Variants in UVRAG observed in about 807,000 individuals in gnomAD.
The protein encoded by UVRAG is UV radiation resistance-associated gene protein.
UVRAG carries 19 observed loss-of-function variants against 78.0 expected under a neutral mutation model. The observed-to-expected ratio is 0.24, with a 90% CI of 0.17 to 0.36. The LOEUF (loss-of-function observed/expected upper bound fraction) is 0.36. Among genes scored for constraint, UVRAG ranks in the 10% least tolerant of loss-of-function variants. UVRAG has a pLI of 1.00. For missense variants in UVRAG, 740 were observed against 853.8 expected, an observed-to-expected ratio of 0.87 and a Z score of 1.66; for synonymous variants, 323 against 324.6, an observed-to-expected ratio of 1.00 and a Z score of 0.05.
chr11:75,906,049 T>C (rs1947607802), intron 5 of UVRAG, among the ~76,000 whole-genome samples: 1 of 152,186 alleles, frequency 6.6e-6, no homozygotes, highest in South Asian at 2.1e-4. Flanking sequence ...AAAATTGAGT[T>C]GTCTTTTTGC....
At chr11:76,020,664 T>G (rs1950229685) in intron 12 of UVRAG, among the ~76,000 whole-genome samples, 1 of 144,512 alleles carries the variant, frequency 6.9e-6, no homozygotes, top group Non-Finnish European at 1.5e-5. Context: ...TTTTTTTTTT[T>G]TTTTTTTTTG....
chr11:76,018,445 C>G (rs1224287632), intron 12 of UVRAG, among the ~76,000 whole-genome samples: 2 of 152,024 alleles, frequency 1.3e-5, no homozygotes, highest in Non-Finnish European at 2.9e-5. Context: ...GAGTCTTGCT[C>G]TGTTGCCAGG....
At chr11:75,835,973 C>T (rs10899144) in intron 1 of UVRAG, among the ~76,000 whole-genome samples, 27,194 of 151,640 alleles carry the variant, frequency 0.18, 3,521 homozygotes, top group African/African-American at 0.37. Context: ...TGGTGGTGTG[C>T]GCCTGTAGTC....
chr11:75,910,966 A>G (rs1436977181), intron 5 of UVRAG, among the ~76,000 whole-genome samples: 1 of 152,220 alleles, frequency 6.6e-6, no homozygotes, highest in Non-Finnish European at 1.5e-5. Context: ...GTCACATAAT[A>G]TGTTAAAATG....
chr11:75,951,416 CTT>C (rs1055787551), intron 6 of UVRAG, among the ~76,000 whole-genome samples: 2 of 151,396 alleles, frequency 1.3e-5, no homozygotes, highest in Non-Finnish European at 2.9e-5. Context: ...GAGTTTCGCT[CTT>C]GTTGCCTAGG....
intron 14 of UVRAG, among the ~76,000 whole-genome samples, chr11:76,122,695 C>G (rs1241776663): frequency 6.6e-6 from 1 of 152,136 alleles, no homozygotes; most frequent in South Asian, 2.1e-4. Flanking sequence ...GGCTCATGCT[C>G]TCTTGTACAT....
rs1023919166 is a variant in UVRAG at position 75,869,165 on chromosome 11, C to T, written c.270+7385C>T. Among the ~76,000 whole-genome samples, 4 of 152,318 alleles carry T rather than the reference C, an allele frequency of 2.6e-5. No homozygotes were observed. The South Asian group carries it at 6.2e-4, about 24-fold the overall frequency. Reference sequence around the variant, plus strand: ...GTTCCAGAGCCCTGCTGTTTTGCAGCCTCCCTTATATCCCACTTCCTTCCA... The same window carrying T: ...GTTCCAGAGCCCTGCTGTTTTGCAGTCTCCCTTATATCCCACTTCCTTCCA... On this transcript the variant is annotated intron_variant, in intron 3 of 14. Coordinates refer to ENST00000356136, the MANE Select transcript of UVRAG (RefSeq NM_003369.4).
chr11:75,963,097 T>C (rs187540251), intron 7 of UVRAG, among the ~76,000 whole-genome samples: 16 of 152,292 alleles, frequency 1.1e-4, no homozygotes, highest in Admixed American at 2.6e-4. Context: ...CCTCAGTACA[T>C]TCTATCCCTT....
rs573012482 is a variant in UVRAG at position 76,070,503 on chromosome 11, T to C, written c.1305+4715T>C. On this transcript the variant is annotated intron_variant, in intron 13 of 14. Transcript: ENST00000356136. Reference sequence around the variant, plus strand: ...ATGTTAATTTGTTTGACTGCTATAATCATTTCACTATGTATATGTATATCA... The same window carrying C: ...ATGTTAATTTGTTTGACTGCTATAACCATTTCACTATGTATATGTATATCA... 1.3e-3 allele frequency among the ~76,000 whole-genome samples: 191 copies of C among 152,352 alleles called. 1 individual carries two copies. Among genetic ancestry groups the C allele is most frequent in the Non-Finnish European group, 2.1e-3 (144 of 68,034 alleles).
chr11:75,908,036 A>G (rs1320843610), intron 5 of UVRAG, among the ~76,000 whole-genome samples: 2 of 152,032 alleles, frequency 1.3e-5, no homozygotes, highest in African/African-American at 2.4e-5. Flanking sequence ...AAAACTTTTC[A>G]CCTTACAAAA....
intron 3 of UVRAG, among the ~76,000 whole-genome samples, chr11:75,870,529 G>A (rs1440201606): frequency 6.6e-6 from 1 of 152,064 alleles, no homozygotes; most frequent in Non-Finnish European, 1.5e-5. Context: ...CACTCTAATA[G>A]TAATAGGAAA....
intron 13 of UVRAG, among the ~76,000 whole-genome samples, chr11:76,074,944 A>G (rs1389796887): frequency 1.3e-5 from 2 of 152,154 alleles, no homozygotes; most frequent in Non-Finnish European, 2.9e-5. Context: ...TTCTCCATCC[A>G]AAACAGCTGG....
chr11:75,902,790 G>C (rs1442059020), intron 5 of UVRAG, among the ~76,000 whole-genome samples: 1 of 152,032 alleles, frequency 6.6e-6, no homozygotes. Context: ...CATAATCCAA[G>C]CTCAGATCAA....
intron 12 of UVRAG, among the ~76,000 whole-genome samples, chr11:76,038,328 T>G (rs1012066957): frequency 6.6e-6 from 1 of 152,110 alleles, no homozygotes; most frequent in African/African-American, 2.4e-5. Flanking sequence ...CCTGCTTCCT[T>G]TCAAATTTCC....
intron 14 of UVRAG, among the ~76,000 whole-genome samples, chr11:76,128,569 C>T (rs1434157197): frequency 2.0e-5 from 3 of 152,136 alleles, no homozygotes; most frequent in Admixed American, 2.0e-4. Context: ...TGAGCACTGG[C>T]TGTTTCAGTA....
intron 8 of UVRAG, among the ~76,000 whole-genome samples, chr11:76,000,729 C>A (rs914304593): frequency 1.3e-5 from 2 of 152,106 alleles, no homozygotes; most frequent in Non-Finnish European, 2.9e-5. Context: ...ATATTAATAT[C>A]TGGCAAAGTA....
intron 4 of UVRAG, among the ~76,000 whole-genome samples, chr11:75,882,030 C>A (rs1461244067): frequency 6.6e-6 from 1 of 152,066 alleles, no homozygotes; most frequent in African/African-American, 2.4e-5. Context: ...CCCCACCCCA[C>A]CTTGGAATGA....
intron 14 of UVRAG, among the ~76,000 whole-genome samples, chr11:76,129,626 G>A (rs545070790): frequency 8.6e-4 from 131 of 152,230 alleles, no homozygotes; most frequent in Middle Eastern, 3.4e-3. Flanking sequence ...CACTAGCCAG[G>A]AAGCCAGGCA....
At chr11:76,000,905 A>G (rs1235638702) in intron 8 of UVRAG, among the ~76,000 whole-genome samples, 2 of 152,204 alleles carry the variant, frequency 1.3e-5, no homozygotes, top group African/African-American at 4.8e-5. Flanking sequence ...GAAATAAGCA[A>G]ATGCACAATT....
Sources: gnomAD v4.1 joint callset for allele counts (sites outside exome capture counted in the v4.1 genomes callset) on GRCh38, gnomAD v4.1.1 for gene constraint, MANE v1.5 for transcripts, NCBI Gene and HGNC (gene_info 2026-07-23, HGNC 2026-07-21) for gene names.